ZNF292: variants seen among roughly 807,000 people sequenced by gnomAD.
ZNF292 encodes the protein 16 zinc-finger domain protein.
Under a neutral mutation model 217.9 loss-of-function variants are expected in ZNF292, and 26 were observed. That is an observed-to-expected ratio of 0.12 (90% CI 0.09 to 0.17). The LOEUF is 0.17. ZNF292 is among the 10% of genes least tolerant of loss of function. ZNF292 has a pLI of 1.00. For missense variants in ZNF292, 2,904 were observed against 3,175.2 expected, an observed-to-expected ratio of 0.91 and a Z score of 2.05; for synonymous variants, 1,257 against 1,124.1, an observed-to-expected ratio of 1.12 and a Z score of -2.37.
intron 1 of ZNF292, among the ~76,000 whole-genome samples, chr6:87,188,782 T>C (rs1260492147): frequency 6.6e-6 from 1 of 150,494 alleles, no homozygotes; most frequent in Non-Finnish European, 1.5e-5. Context: ...AAAACAACAG[T>C]GAATTAAACT....
intron 4 of ZNF292, among the ~76,000 whole-genome samples, chr6:87,221,564 T>C (rs1158784820): frequency 6.6e-6 from 1 of 152,226 alleles, no homozygotes; most frequent in African/African-American, 2.4e-5. Flanking sequence ...CATAGTAAAG[T>C]ATAAATCTCT....
At chr6:87,184,499 A>G (rs928260392) in intron 1 of ZNF292, among the ~76,000 whole-genome samples, 1 of 131,648 alleles carries the variant, frequency 7.6e-6, no homozygotes, top group African/African-American at 3.2e-5. Context: ...TTGAGGGGAC[A>G]GTTCCGTAGA....
At position 87,258,684 on chromosome 6, in the gene ZNF292, T is replaced by C. The variant is rs1775382379; in HGVS notation, c.5055T>C (p.Asn1685=). ...PTCEPQSLVE[N]LTQKLNNVNN... ...GTGAACCTCAGAGTTTGGTGGAAAA[T>C]CTAACACAGAAATTAAATAATGTTA... The change falls in exon 8 of 8, where the codon AAT becomes AAC. Residue 1685 remains asparagine (N), a synonymous_variant. Transcript: ENST00000369577. The C allele has an allele frequency of 1.9e-6, 3 of 1,613,302 alleles. No homozygotes were observed. The highest frequency in any genetic ancestry group is 1.3e-5 in the African/African-American group (1 of 74,882).
At chr6:87,253,520 G>A (rs58852967) in intron 7 of ZNF292, among the ~76,000 whole-genome samples, 1,685 of 152,008 alleles carry the variant, frequency 0.011, 37 homozygotes, top group African/African-American at 0.037. Context: ...ATGAGCCACC[G>A]CACCCAGCCT....
chr6:87,258,284 G>T lies in ZNF292; in HGVS notation c.4655G>T (p.Arg1552Met), dbSNP rs752039063. Residue 1552 changes from arginine to methionine, a missense_variant, in exon 8 of 8, where the codon AGG (arginine) becomes ATG (methionine). Arg to Met is a moderately conservative substitution (Grantham distance 91, BLOSUM62 -1). Transcript: ENST00000369577. ...HPNTLLTNQN[R>M]TSNSKTSSIE... ...AACACCTTGCTGACCAACCAGAATA[G>T]GACGTCAAACTCCAAAACTTCCTCC... The T allele has an allele frequency of 6.2e-7, 1 of 1,613,340 alleles. No individual in the cohort carries two copies.
At chr6:87,250,665 A>AT (rs1191838171) in intron 7 of ZNF292, among the ~76,000 whole-genome samples, 2 of 152,326 alleles carry the variant, frequency 1.3e-5, no homozygotes, top group African/African-American at 4.8e-5. Context: ...AGCATTGTGG[A>AT]TTTTGGTATC....
chr6:87,165,832 C>G (rs1770894345), intron 1 of ZNF292, among the ~76,000 whole-genome samples: 2 of 148,072 alleles, frequency 1.4e-5, no homozygotes, highest in Admixed American at 6.9e-5. Flanking sequence ...GATCTCAGCT[C>G]ACTGCAACCT....
In ZNF292 at chr6:87,265,336, A is replaced by G. The variant is rs536478872; in HGVS notation, c.*3535A>G. On this transcript the variant is annotated 3_prime_UTR_variant, in exon 8 of 8. Coordinates refer to ENST00000369577, the MANE Select transcript of ZNF292 (RefSeq NM_015021.3). ...GTGCAACTTCCATCTCCCAGGTTCA[A>G]GTGATTCTCCTACCTCAGCCACCCA... 1.3e-5 allele frequency among the ~76,000 whole-genome samples: 2 copies of G among 152,182 alleles called. No individual in the cohort carries two copies. The highest frequency in any genetic ancestry group is 2.4e-5 in the African/African-American group (1 of 41,526).
chr6:87,257,863 C>A lies in ZNF292; in HGVS notation c.4234C>A (p.Leu1412Ile). 6.2e-7 allele frequency: 1 copy of A among 1,613,886 alleles called. No homozygotes were observed. Among genetic ancestry groups the A allele is most frequent in the South Asian group, 1.1e-5 (1 of 91,090 alleles). Residue 1412 changes from leucine to isoleucine, a missense_variant, in exon 8 of 8, where the codon CTT becomes ATT. Physicochemically the swap from Leu to Ile is conservative, Grantham distance 5. Around this residue, in one of 15 missense-constraint regions of ZNF292, gnomAD observed 622 missense variants for 573.1 expected, o/e 1.09. Transcript: ENST00000369577. The part of the protein sequence containing the change: ...PLDGAEIAQE[L>I]LQSNGQPSLL... ...GGATGGAGCCGAAATTGCTCAAGAACTTCTACAGAGTAATGGACAGCCTTC... is the reference window on the plus strand; with the variant it reads ...GGATGGAGCCGAAATTGCTCAAGAAATTCTACAGAGTAATGGACAGCCTTC...
In ZNF292 at chr6:87,243,449, C is replaced by A. The variant is rs1348177682; in HGVS notation, c.742-26C>A. ...ATTCTAATATAAAACCATTTTGTGG[C>A]ATATTTCTATTGGCTTTTTCTTTAG... On this transcript the variant is annotated intron_variant, in intron 5 of 7. Transcript: ENST00000369577. 9.2e-6 allele frequency: 14 copies of A among 1,518,174 alleles called. No homozygotes were observed. The East Asian group carries it at 3.0e-4, about 32-fold the overall frequency. The allele number at this position is 1,518,174 out of a possible 1,614,324, so 94.0% of individuals were successfully genotyped here. A position where few individuals can be genotyped will look rare whatever the true frequency, so the allele number is the denominator to read the frequency against.
At chr6:87,166,739 G>T (rs1282386231) in intron 1 of ZNF292, among the ~76,000 whole-genome samples, 1 of 151,964 alleles carries the variant, frequency 6.6e-6, no homozygotes, top group East Asian at 1.9e-4. Flanking sequence ...TGTCAGTTTT[G>T]GTTAGAAAAG....
At chr6:87,191,076 T>G (rs903367638) in intron 1 of ZNF292, among the ~76,000 whole-genome samples, 5 of 151,564 alleles carry the variant, frequency 3.3e-5, no homozygotes, top group African/African-American at 1.2e-4. Flanking sequence ...GTACCATACT[T>G]TTTTTTTAAC....
chr6:87,176,320 G>A lies in ZNF292; in HGVS notation c.168+20561G>A, dbSNP rs1771290361. ...TGGTGGGGAAATGTGATTGGTCAAA[G>A]CAGGTAGGATCTAATGGTAATAAAC... On this transcript the variant is annotated intron_variant, in intron 1 of 7. Coordinates refer to ENST00000369577, the MANE Select transcript of ZNF292 (RefSeq NM_015021.3). Among the ~76,000 whole-genome samples, 5 of 152,348 alleles carry A rather than the reference G, an allele frequency of 3.3e-5. No individual in the cohort carries two copies. The East Asian group carries it at 9.6e-4, about 29-fold the overall frequency.
chr6:87,181,738 G>T lies in ZNF292; in HGVS notation c.168+25979G>T, dbSNP rs1771479203. On this transcript the variant is annotated intron_variant, in intron 1 of 7. Coordinates refer to ENST00000369577, the MANE Select transcript of ZNF292 (RefSeq NM_015021.3). ...CCTCTGTAGCCTAGGCTGGAGTGCAGTGGCACTGTCTCGACTCACTGCAAC... is the reference window on the plus strand; with the variant it reads ...CCTCTGTAGCCTAGGCTGGAGTGCATTGGCACTGTCTCGACTCACTGCAAC... Among the ~76,000 whole-genome samples, 4 of 151,866 alleles carry T rather than the reference G, an allele frequency of 2.6e-5. No individual in the cohort carries two copies. The South Asian group carries it at 8.3e-4, about 32-fold the overall frequency.
rs550496550 is a variant in ZNF292, at chr6:87,249,669, A to G, written c.1020+4025A>G. On this transcript the variant is annotated intron_variant, in intron 7 of 7. Coordinates refer to ENST00000369577, the MANE Select transcript of ZNF292 (RefSeq NM_015021.3). The stretch of plus-strand genomic sequence containing the variant: ...TAATAACTCTCTTCATTTTCCATAT[A>G]GAGAGGTTAACCTCGATGTAGTGAT... Among the ~76,000 whole-genome samples, 3 of 152,298 alleles carry G rather than the reference A, an allele frequency of 2.0e-5. No individual in the cohort carries two copies. The East Asian group carries it at 5.8e-4, about 29-fold the overall frequency.
intron 3 of ZNF292, among the ~76,000 whole-genome samples, chr6:87,217,072 T>C (rs973313685): frequency 3.9e-5 from 6 of 152,082 alleles, no homozygotes; most frequent in African/African-American, 1.4e-4. Context: ...TTAAAAAGAA[T>C]GCTCCTGCCA....
rs1026082080 is a variant in ZNF292, at chr6:87,264,803, A to T, written c.*3002A>T. ...GAAAATTGTTATTGGATGCATGTAT[A>T]TTGAACAATTTAATCAGTATCAGTT... On this transcript the variant is annotated 3_prime_UTR_variant, in exon 8 of 8. Coordinates refer to ENST00000369577, the MANE Select transcript of ZNF292 (RefSeq NM_015021.3). Among the ~76,000 whole-genome samples, 3 of 152,212 alleles carry T rather than the reference A, an allele frequency of 2.0e-5. No homozygotes were observed. Among genetic ancestry groups the T allele is most frequent in the African/African-American group, 7.2e-5 (3 of 41,448 alleles).
At chr6:87,194,052 A>G (rs1582403739) in intron 1 of ZNF292, among the ~76,000 whole-genome samples, 1 of 152,128 alleles carries the variant, frequency 6.6e-6, no homozygotes. Context: ...TAAAGGGCTC[A>G]TCCTTTAGGT....
Position 87,256,698 on chromosome 6 carries a change from A to G in ZNF292, c.3069A>G (p.Arg1023=). Residue 1023 remains arginine (R), a synonymous_variant, in exon 8 of 8, where the codon AGA becomes AGG. Coordinates refer to ENST00000369577, the MANE Select transcript of ZNF292 (RefSeq NM_015021.3). ...IGDLTPQNLE[R]QVNNLMTFSV... is the part of the protein sequence containing the mutation. Reference sequence around the variant, plus strand: ...ACCTTACCCCACAAAACTTAGAAAGACAAGTGAACAACTTGATGACCTTTT... The same window carrying G: ...ACCTTACCCCACAAAACTTAGAAAGGCAAGTGAACAACTTGATGACCTTTT... 6.2e-7 allele frequency: 1 copy of G among 1,613,180 alleles called. No homozygotes were observed. Among genetic ancestry groups the G allele is most frequent in the Non-Finnish European group, 8.5e-7 (1 of 1,179,818 alleles).
Sources: allele counts gnomAD v4.1 joint callset (sites outside exome capture counted in the v4.1 genomes callset), GRCh38; gene constraint gnomAD v4.1.1; regional missense constraint gnomAD v4.1.1; transcripts MANE v1.5; gene names NCBI Gene and HGNC (gene_info 2026-07-23, HGNC 2026-07-21).